CFAP47: variants seen among roughly 807,000 people sequenced by gnomAD.
CFAP47 encodes cilia and flagella associated protein 47.
Under a neutral mutation model 148.1 loss-of-function variants are expected in CFAP47, and 29 were observed. The ratio of observed to expected loss-of-function variants is 0.20; its 90% CI spans 0.15 to 0.27. The LOEUF (loss-of-function observed/expected upper bound fraction) is 0.27, where lower values mean the gene tolerates loss of function less well. Among genes scored for constraint, CFAP47 ranks in the 10% least tolerant of loss-of-function variants. CFAP47 has a pLI of 1.00. For synonymous variants in CFAP47, 664 were observed against 577.3 expected (o/e 1.15, Z -2.15); for missense variants, 1,872 against 1,697.5 (o/e 1.10, Z -1.81).
intron 60 of CFAP47, among the ~76,000 whole-genome samples, chrX:36,360,556 T>C (rs1556019087): frequency 8.9e-6 from 1 of 112,011 alleles, no homozygotes; most frequent in African/African-American, 3.3e-5. Flanking sequence ...GATTCTGGAT[T>C]AGCACAGCTG....
intron 49 of CFAP47, among the ~76,000 whole-genome samples, chrX:36,277,115 A>G (rs1316823302): frequency 1.8e-5 from 2 of 112,031 alleles, no homozygotes; most frequent in African/African-American, 6.5e-5. Flanking sequence ...GATTTAATTT[A>G]TTTTGCAACT....
intron 49 of CFAP47, among the ~76,000 whole-genome samples, chrX:36,265,752 G>A (rs916625181): frequency 7.2e-5 from 8 of 111,702 alleles, no homozygotes; most frequent in African/African-American, 2.3e-4. Flanking sequence ...AAGATAGTGT[G>A]ATTTTTTTGG....
chrX:36,262,396 C>A (rs1392591041), intron 49 of CFAP47, among the ~76,000 whole-genome samples: 1 of 111,631 alleles, frequency 9.0e-6, no homozygotes, highest in Non-Finnish European at 1.9e-5. Context: ...CTCTGGTAAC[C>A]ATCCTTCTAC....
Position 36,220,541 on chromosome X carries a change from A to G in CFAP47, c.6818-8087A>G, listed in dbSNP as rs17319851. On this transcript the variant is annotated intron_variant, in intron 45 of 63. Transcript: ENST00000378653. ...TACCCTATCTACATTTAATAGGTAG[A>G]TGCTTGTTTGATACAGGAAATGGGC... 6.8e-4 allele frequency among the ~76,000 whole-genome samples: 75 copies of G among 110,789 alleles called. No individual in the cohort carries two copies. The East Asian group carries it at 0.019, about 29-fold the overall frequency.
intron 22 of CFAP47, among the ~76,000 whole-genome samples, chrX:36,023,964 C>T (rs1357719287): frequency 2.7e-5 from 3 of 112,198 alleles, no homozygotes; most frequent in Non-Finnish European, 5.6e-5. Context: ...TGTTGCTGAC[C>T]TGGTACCTAA....
chrX:36,144,533 A>T, intron 35 of CFAP47: 1 of 1,006,957 alleles, frequency 9.9e-7, no homozygotes. Context: ...GAAGGATGCC[A>T]AGATGACTGG....
At chrX:36,031,590 G>A (rs1480074667) in intron 23 of CFAP47, among the ~76,000 whole-genome samples, 3 of 108,711 alleles carry the variant, frequency 2.8e-5, no homozygotes, top group Non-Finnish European at 3.8e-5. Flanking sequence ...ATACATATAC[G>A]CATATAATTA....
chrX:35,998,674 T>C (rs2146690087), intron 19 of CFAP47, among the ~76,000 whole-genome samples: 1 of 111,372 alleles, frequency 9.0e-6, no homozygotes, highest in South Asian at 3.8e-4. Context: ...CTTATACTTT[T>C]ATAACCTTTC....
At chrX:36,348,501 C>A (rs1326455680) in intron 58 of CFAP47, among the ~76,000 whole-genome samples, 4 of 109,804 alleles carry the variant, frequency 3.6e-5, no homozygotes, top group African/African-American at 6.6e-5. Context: ...ATATATATAT[C>A]TCTAATGGTT....
At chrX:36,131,447 T>C (rs1938947443) in intron 33 of CFAP47, among the ~76,000 whole-genome samples, 1 of 110,881 alleles carries the variant, frequency 9.0e-6, no homozygotes, top group African/African-American at 3.3e-5. Flanking sequence ...TTGCTGTGAA[T>C]GTAAAACTGC....
intron 33 of CFAP47, among the ~76,000 whole-genome samples, chrX:36,105,433 T>C (rs1300701690): frequency 8.9e-6 from 1 of 111,998 alleles, no homozygotes; most frequent in Non-Finnish European, 1.9e-5. Flanking sequence ...AACTTTTTAA[T>C]ATCCAATATG....
chrX:36,010,921 G>A (rs1265007751), intron 21 of CFAP47, among the ~76,000 whole-genome samples: 1 of 111,186 alleles, frequency 9.0e-6, no homozygotes, highest in Non-Finnish European at 1.9e-5. Flanking sequence ...CTATGGCTGG[G>A]ATTTCTTCAT....
chrX:36,183,604 A>T (rs1212670255), intron 40 of CFAP47, among the ~76,000 whole-genome samples: 1 of 112,130 alleles, frequency 8.9e-6, no homozygotes, highest in South Asian at 3.7e-4. Context: ...AAATAATGAT[A>T]GACTCGTCTA....
At chrX:36,164,266 G>A (rs1230436308) in intron 39 of CFAP47, among the ~76,000 whole-genome samples, 1 of 110,811 alleles carries the variant, frequency 9.0e-6, no homozygotes, top group South Asian at 3.8e-4. Flanking sequence ...TAATTAAAAG[G>A]GCAGTATTTA....
At chrX:36,298,248 T>G in intron 51 of CFAP47, among the ~76,000 whole-genome samples, 1 of 105,004 alleles carries the variant, frequency 9.5e-6, no homozygotes, top group East Asian at 3.0e-4. Context: ...GATGAGTTCA[T>G]GTCCTTTGTA....
intron 19 of CFAP47, among the ~76,000 whole-genome samples, chrX:35,997,977 G>A (rs975513810): frequency 9.0e-6 from 1 of 110,902 alleles, no homozygotes; most frequent in Non-Finnish European, 1.9e-5. Context: ...AACTGTAGCT[G>A]TGAACATTTA....
At chrX:36,107,140 T>A (rs1488942859) in intron 33 of CFAP47, among the ~76,000 whole-genome samples, 1 of 111,874 alleles carries the variant, frequency 8.9e-6, no homozygotes, top group Non-Finnish European at 1.9e-5. Context: ...ACTGTCTATT[T>A]AAAAATAATT....
intron 57 of CFAP47, among the ~76,000 whole-genome samples, chrX:36,327,354 CG>C (rs1941526029): frequency 8.9e-6 from 1 of 111,995 alleles, no homozygotes; most frequent in African/African-American, 3.2e-5. Context: ...AGCCAACAAA[CG>C]TATGAAAAAA....
intron 21 of CFAP47, among the ~76,000 whole-genome samples, chrX:36,003,915 A>G (rs1457977570): frequency 9.1e-6 from 1 of 109,897 alleles, no homozygotes; most frequent in African/African-American, 3.3e-5. Flanking sequence ...AACTTTAGCA[A>G]AGCTGGAGGA....
Sources: gnomAD v4.1 joint callset for allele counts (sites outside exome capture counted in the v4.1 genomes callset) on GRCh38, gnomAD v4.1.1 for gene constraint, MANE v1.5 for transcripts, NCBI Gene and HGNC (gene_info 2026-07-23, HGNC 2026-07-21) for gene names.